The following PACSIN2 variants were observed in gnomAD, a reference collection of about 807,000 sequenced individuals.
PACSIN2 encodes the protein protein kinase C and casein kinase substrate in neurons 2, also known as protein kinase C and casein kinase substrate in neurons protein 2.
In PACSIN2, 25 loss-of-function variants were observed where a neutral mutation model predicts 63.8. That is an observed-to-expected ratio of 0.39 (90% CI 0.29 to 0.55). The LOEUF (loss-of-function observed/expected upper bound fraction) is 0.55, where lower values mean the gene tolerates loss of function less well. PACSIN2 is among the 20% of genes least tolerant of loss of function. PACSIN2 has a pLI of 0.62. For synonymous variants in PACSIN2, 255 were observed against 256.2 expected, an observed-to-expected ratio of 1.00 and a Z score of 0.05; for missense variants, 518 against 646.9, an observed-to-expected ratio of 0.80 and a Z score of 2.16.
At position 42,901,328 on chromosome 22, in the gene PACSIN2, C is replaced by T. The variant is rs548118877; in HGVS notation, c.61-7715G>A. 5.9e-5 allele frequency among the ~76,000 whole-genome samples: 9 copies of T among 152,302 alleles called. No individual in the cohort carries two copies. In the South Asian group the frequency reaches 1.4e-3, roughly 25 times the overall value. On this transcript the variant is annotated intron_variant, in intron 2 of 10. Coordinates refer to ENST00000263246, the MANE Select transcript of PACSIN2 (RefSeq NM_001184970.3). ...AAGCTCTAGCATCTCCTCTGTCAGC[C>T]TGGCAGACAAGGATGAGGCAACTCT... is the stretch of plus-strand genomic sequence containing the variant.
At chr22:42,918,910 T>C (rs144265799) in intron 1 of PACSIN2, among the ~76,000 whole-genome samples, 2 of 152,222 alleles carry the variant, frequency 1.3e-5, no homozygotes, top group African/African-American at 4.8e-5. Flanking sequence ...AAGAAACACA[T>C]AAGCTGAGGA....
At chr22:42,876,599 T>G (rs887150343) in intron 9 of PACSIN2, among the ~76,000 whole-genome samples, 7 of 152,216 alleles carry the variant, frequency 4.6e-5, no homozygotes, top group African/African-American at 1.7e-4. Context: ...CAGCACAGAC[T>G]GCGCGTTGTC....
At chr22:42,927,393 C>T (rs1329792450) in intron 1 of PACSIN2, among the ~76,000 whole-genome samples, 6 of 152,064 alleles carry the variant, frequency 3.9e-5, no homozygotes, top group East Asian at 3.9e-4. Flanking sequence ...GACAGGTGCC[C>T]GCCACCATGC....
At chr22:42,931,758 G>A (rs1932782814) in intron 1 of PACSIN2, among the ~76,000 whole-genome samples, 1 of 152,176 alleles carries the variant, frequency 6.6e-6, no homozygotes, top group African/African-American at 2.4e-5. Context: ...GCCATGCAGA[G>A]ATCACGTTGT....
chr22:42,993,793 C>T (rs1923210872), intron 1 of PACSIN2: 2 of 152,214 alleles, frequency 1.3e-5, no homozygotes, highest in Non-Finnish European at 2.9e-5. Context: ...GGAAGGGCGG[C>T]ACCAGGGACA....
chr22:42,989,382 C>T (rs968813841), intron 1 of PACSIN2, among the ~76,000 whole-genome samples: 1 of 151,466 alleles, frequency 6.6e-6, no homozygotes, highest in Non-Finnish European at 1.5e-5. Context: ...CCTGTAATCC[C>T]AGCTACTAAG....
rs1336068520 is a variant in PACSIN2 at position 42,949,692 on chromosome 22, A to ACACT, written c.-77-37539_-77-37536dup. ...CACACACACATACACTCACACACAC[A>ACACT]CACTCACACACACTCTCTCACACAC... On this transcript the variant is annotated intron_variant, in intron 1 of 10. Transcript: ENST00000263246. 2.0e-5 allele frequency among the ~76,000 whole-genome samples: 3 copies of ACACT among 150,196 alleles called. No homozygotes were observed. The South Asian group carries it at 6.2e-4, about 31-fold the overall frequency.
chr22:42,931,185 G>T (rs533034032), intron 1 of PACSIN2, among the ~76,000 whole-genome samples: 1 of 152,360 alleles, frequency 6.6e-6, no homozygotes, highest in Non-Finnish European at 1.5e-5. Context: ...GCTGGGCACA[G>T]CACCTGGCTT....
chr22:42,903,266 C>T (rs1437249541), intron 2 of PACSIN2, among the ~76,000 whole-genome samples: 2 of 152,220 alleles, frequency 1.3e-5, no homozygotes, highest in Admixed American at 6.5e-5. Context: ...GGAGGGTGTG[C>T]GTGTGCCTGG....
chr22:42,894,823 C>T (rs1930165444), intron 2 of PACSIN2, among the ~76,000 whole-genome samples: 1 of 152,206 alleles, frequency 6.6e-6, no homozygotes, highest in Admixed American at 6.5e-5. Context: ...GATCTCTTTT[C>T]AGCCTTTTTC....
intron 1 of PACSIN2, among the ~76,000 whole-genome samples, chr22:43,010,848 T>C (rs192403985): frequency 3.0e-4 from 46 of 152,348 alleles, no homozygotes; most frequent in African/African-American, 1.1e-3. Context: ...TAAGCACAAT[T>C]CAATAGGTAA....
chr22:42,918,964 C>G (rs907406936), intron 1 of PACSIN2, among the ~76,000 whole-genome samples: 1 of 152,134 alleles, frequency 6.6e-6, no homozygotes, highest in Non-Finnish European at 1.5e-5. Flanking sequence ...AAAACGAGGT[C>G]AGGTAGGGCA....
chr22:42,964,487 A>C (rs1920936968), intron 1 of PACSIN2, among the ~76,000 whole-genome samples: 1 of 151,842 alleles, frequency 6.6e-6, no homozygotes, highest in South Asian at 2.1e-4. Context: ...TTAATAGAAT[A>C]CCACAGATTG....
At chr22:42,936,122 A>G (rs1167033123) in intron 1 of PACSIN2, among the ~76,000 whole-genome samples, 1 of 151,758 alleles carries the variant, frequency 6.6e-6, no homozygotes, top group Non-Finnish European at 1.5e-5. Context: ...AGGCAGAGGC[A>G]GGAGAATGGC....
chr22:42,982,869 T>TAAAAAAAAAA lies in PACSIN2; in HGVS notation c.-78+32142_-78+32151dup, dbSNP rs1252040629. ...GCGAGAAACACCAAAGAATGATCAA[T>TAAAAAAAAAA]AAAAAAAAAAAAAAAAAAAAACAAC... On this transcript the variant is annotated intron_variant, in intron 1 of 10. Coordinates refer to ENST00000263246, the MANE Select transcript of PACSIN2 (RefSeq NM_001184970.3). Among the ~76,000 whole-genome samples the TAAAAAAAAAA allele has an allele frequency of 3.1e-3, 134 of 43,718 alleles. 9 individuals are homozygous for TAAAAAAAAAA. Among genetic ancestry groups the TAAAAAAAAAA allele is most frequent in the East Asian group, 9.5e-3 (15 of 1,576 alleles). 28.7% of individuals were successfully genotyped at this position (43,718 alleles called of 152,430 possible).
intron 5 of PACSIN2, among the ~76,000 whole-genome samples, chr22:42,886,182 C>T (rs1254779305): frequency 6.6e-6 from 1 of 152,230 alleles, no homozygotes; most frequent in Admixed American, 6.5e-5. Context: ...GCCCCCAGCA[C>T]AGGCCAGGTA....
At chr22:42,931,480 C>G (rs952848937) in intron 1 of PACSIN2, among the ~76,000 whole-genome samples, 27 of 152,076 alleles carry the variant, frequency 1.8e-4, no homozygotes, top group African/African-American at 6.5e-4. Flanking sequence ...GTGTCCGAGA[C>G]AGAAGAGACC....
chr22:42,936,399 C>T (rs1932919642), intron 1 of PACSIN2, among the ~76,000 whole-genome samples: 3 of 152,142 alleles, frequency 2.0e-5, no homozygotes, highest in Admixed American at 6.5e-5. Flanking sequence ...AGCAGAATGA[C>T]CCCGGACTTA....
At chr22:42,975,457 A>ATATATATATAT (rs1921625340) in intron 1 of PACSIN2, among the ~76,000 whole-genome samples, 4 of 140,750 alleles carry the variant, frequency 2.8e-5, no homozygotes, top group South Asian at 2.2e-4. Context: ...AATATATACA[A>ATATATATATAT]ATATATATAT....
Sources: gnomAD v4.1 joint callset for allele counts (sites outside exome capture counted in the v4.1 genomes callset) on GRCh38, gnomAD v4.1.1 for gene constraint, MANE v1.5 for transcripts, NCBI Gene and HGNC (gene_info 2026-07-23, HGNC 2026-07-21) for gene names.